Variants in SFXN1 observed in about 807,000 individuals in gnomAD.
The protein encoded by SFXN1 is sideroflexin 1.
In SFXN1, 32 loss-of-function variants were observed where a neutral mutation model predicts 39.5. The observed-to-expected ratio is 0.81, with a 90% CI of 0.61 to 1.09. SFXN1 has a LOEUF of 1.09. Among genes scored for constraint, SFXN1 ranks in the 50% least tolerant of loss-of-function variants. The pLI, the probability that SFXN1 is intolerant of heterozygous loss-of-function variation, is 0.00. For missense variants in SFXN1, 402 were observed against 407.1 expected (o/e 0.99, Z 0.11); for synonymous variants, 136 against 146.5 (o/e 0.93, Z 0.52).
At chr5:175,505,671 T>C (rs755613148) in intron 2 of SFXN1, among the ~76,000 whole-genome samples, 2 of 152,064 alleles carry the variant, frequency 1.3e-5, no homozygotes, top group East Asian at 1.9e-4. Flanking sequence ...AAGATTAAAA[T>C]TGACTGTCAA....
intron 10 of SFXN1, among the ~76,000 whole-genome samples, chr5:175,526,427 T>C (rs1406730059): frequency 6.6e-6 from 1 of 152,108 alleles, no homozygotes; most frequent in African/African-American, 2.4e-5. Context: ...AAAAGTTGGG[T>C]GTTGGGTTCT....
chr5:175,504,689 A>G (rs1244159869), intron 2 of SFXN1, among the ~76,000 whole-genome samples: 2 of 152,170 alleles, frequency 1.3e-5, no homozygotes, highest in African/African-American at 2.4e-5. Context: ...AAAAGCAACA[A>G]GCAATTAGAC....
At chr5:175,513,876 G>T (rs746312727) in intron 7 of SFXN1, 1 of 275,450 alleles carries the variant, frequency 3.6e-6, no homozygotes, top group East Asian at 7.5e-5. Flanking sequence ...CTGGCAGAGG[G>T]AACCACAGGC....
chr5:175,482,202 C>G (rs901794290), intron 1 of SFXN1, among the ~76,000 whole-genome samples: 1 of 152,220 alleles, frequency 6.6e-6, no homozygotes, highest in African/African-American at 2.4e-5. Flanking sequence ...CCGGCTGTCT[C>G]ACACCTGCCT....
intron 2 of SFXN1, among the ~76,000 whole-genome samples, chr5:175,505,941 C>T (rs943878776): frequency 5.3e-5 from 8 of 152,100 alleles, no homozygotes; most frequent in African/African-American, 1.7e-4. Flanking sequence ...CTCAGCTTTC[C>T]GAGCAGCTGG....
intron 5 of SFXN1, 49 bp downstream of exon 5, chr5:175,511,575 C>T: frequency 1.4e-6 from 2 of 1,434,178 alleles, no homozygotes; most frequent in Middle Eastern, 1.7e-4. Flanking sequence ...TTGTTATCAC[C>T]TGCCTGGCTC....
chr5:175,492,305 T>C (rs1581271231), intron 2 of SFXN1, 38 bp downstream of exon 2: 2 of 1,510,060 alleles, frequency 1.3e-6, no homozygotes, highest in South Asian at 2.5e-5. Context: ...AATGTATAAA[T>C]AGATCATCAT....
chr5:175,516,670 TG>T lies in SFXN1; in HGVS notation c.774+8del. 1 of 1,612,084 alleles carries T rather than the reference TG, an allele frequency of 6.2e-7. No homozygotes were observed. The highest frequency in any genetic ancestry group is 1.3e-5 in the African/African-American group (1 of 74,982). On this transcript the variant is annotated splice_region_variant and intron_variant, in intron 8 of 10. Transcript: ENST00000321442. ...AAAGAAAGCCTTTTTGAAGGTAAGC[TG>T]TGGTTCTTTTGTCATTTTCTCAACC...
chr5:175,502,702 A>G (rs1257070192), intron 2 of SFXN1, among the ~76,000 whole-genome samples: 1 of 152,140 alleles, frequency 6.6e-6, no homozygotes, highest in African/African-American at 2.4e-5. Flanking sequence ...TTAGCCGGGC[A>G]TGGTGGCACA....
chr5:175,512,865 A>G (rs1760570349), intron 6 of SFXN1, among the ~76,000 whole-genome samples: 1 of 152,226 alleles, frequency 6.6e-6, no homozygotes, highest in African/African-American at 2.4e-5. Context: ...AAATTTGCAC[A>G]TGAGCATAGA....
chr5:175,502,392 A>AT (rs1469190151), intron 2 of SFXN1, among the ~76,000 whole-genome samples: 2 of 152,178 alleles, frequency 1.3e-5, no homozygotes. Flanking sequence ...ATTCCTTCCC[A>AT]AGGTTAGTTC....
At position 175,521,942 on chromosome 5, in the gene SFXN1, C is replaced by T. The variant is rs754056882; in HGVS notation, c.798C>T (p.Pro266=). 2.5e-6 allele frequency: 4 copies of T among 1,603,240 alleles called. No homozygotes were observed. In the East Asian group the frequency reaches 8.9e-5, roughly 36 times the overall value. The change falls in exon 9 of 11, where the codon CCC becomes CCT. Residue 266 remains proline (P), a synonymous_variant. Transcript: ENST00000321442. Reference sequence around the variant, plus strand: ...AGAGGTTCCCATGGATGAGTGCACCCATTCAAGTTGGGTTAGTTGGCTTCT... The same window carrying T: ...AGAGGTTCCCATGGATGAGTGCACCTATTCAAGTTGGGTTAGTTGGCTTCT... ...FLKRFPWMSA[P]IQVGLVGFCL...
In SFXN1 at chr5:175,492,237, A is replaced by C. The variant is rs140420184; in HGVS notation, c.134A>C (p.Glu45Ala). Residue 45 changes from glutamate (E) to alanine (A), a missense_variant, in exon 2 of 11, where the codon GAG becomes GCG. Coordinates refer to ENST00000321442, the MANE Select transcript of SFXN1 (RefSeq NM_022754.7). The part of the protein sequence containing the change: ...RNILLTNEQL[E>A]SARKIVHDYR... Reference sequence around the variant, plus strand: ...ATTCTGTTAACCAACGAACAACTCGAGAGTGCGAGAAAAATAGTACATGAT... The same window carrying C: ...ATTCTGTTAACCAACGAACAACTCGCGAGTGCGAGAAAAATAGTACATGAT... The C allele has an allele frequency of 6.2e-7, 1 of 1,613,004 alleles. No individual in the cohort carries two copies. The highest frequency in any genetic ancestry group is 8.5e-7 in the Non-Finnish European group (1 of 1,179,798).
chr5:175,513,661 A>G lies in SFXN1; in HGVS notation c.724+71A>G, dbSNP rs929167818. On this transcript the variant is annotated intron_variant, in intron 7 of 10. Transcript: ENST00000321442. ...GCGTTCACGGATCCGTGAACCAGAAAACAAACACATATATCACACCTCTTA... is the reference window on the plus strand; with the variant it reads ...GCGTTCACGGATCCGTGAACCAGAAGACAAACACATATATCACACCTCTTA... 2.8e-5 allele frequency: 43 copies of G among 1,530,754 alleles called. 1 individual carries two copies. In the South Asian group the frequency reaches 4.6e-4, roughly 16 times the overall value. The allele number at this position is 1,530,754 out of a possible 1,614,324, so 94.8% of individuals were successfully genotyped here.
At chr5:175,504,300 C>T (rs565946473) in intron 2 of SFXN1, among the ~76,000 whole-genome samples, 3 of 152,130 alleles carry the variant, frequency 2.0e-5, no homozygotes, top group South Asian at 2.1e-4. Context: ...CTCGGCCAGG[C>T]GAGGTGGCTC....
At chr5:175,499,715 C>G (rs1760000352) in intron 2 of SFXN1, among the ~76,000 whole-genome samples, 2 of 152,150 alleles carry the variant, frequency 1.3e-5, no homozygotes, top group Admixed American at 6.5e-5. Context: ...TACGTTCCTC[C>G]TAAGATTGGG....
At chr5:175,499,639 T>C (rs1002285482) in intron 2 of SFXN1, among the ~76,000 whole-genome samples, 24 of 152,232 alleles carry the variant, frequency 1.6e-4, no homozygotes, top group African/African-American at 5.8e-4. Flanking sequence ...AAACTAGGAA[T>C]AGAAGGGGAA....
Position 175,527,718 on chromosome 5 carries a change from T to C in SFXN1, c.*984T>C, listed in dbSNP as rs775314261. The C allele has an allele frequency of 4.6e-5, 7 of 152,066 alleles. No homozygotes were observed. The highest frequency in any genetic ancestry group is 7.4e-5 in the Non-Finnish European group (5 of 68,014). The allele number at this position is 152,066 out of a possible 1,614,324, so 9.4% of individuals were successfully genotyped here. A position where few individuals can be genotyped will look rare whatever the true frequency, so the allele number is the denominator to read the frequency against. Reference sequence around the variant, plus strand: ...AGTCACAATGAATTTTACTTGAATATTGTATGTTGCATTCCACTTCATTTG... The same window carrying C: ...AGTCACAATGAATTTTACTTGAATACTGTATGTTGCATTCCACTTCATTTG... On this transcript the variant is annotated 3_prime_UTR_variant, in exon 11 of 11. Transcript: ENST00000321442.
intron 1 of SFXN1, chr5:175,483,621 A>T (rs267371): frequency 0.57 from 87,162 of 152,008 alleles, 25,380 homozygotes; most frequent in Non-Finnish European, 0.61. Flanking sequence ...TGGACATGAG[A>T]AACCTGCCAG....
Sources: allele counts gnomAD v4.1 joint callset (sites outside exome capture counted in the v4.1 genomes callset), GRCh38; gene constraint gnomAD v4.1.1; transcripts MANE v1.5; gene names NCBI Gene and HGNC (gene_info 2026-07-23, HGNC 2026-07-21).